The following DNAI2 variants were observed in gnomAD, a reference collection of about 807,000 sequenced individuals.
The protein encoded by DNAI2 is dynein axonemal intermediate chain 2, also known as dynein, axonemal, intermediate polypeptide 2.
DNAI2 carries 63 observed loss-of-function variants against 74.7 expected under a neutral mutation model. The observed-to-expected ratio is 0.84, with a 90% CI of 0.69 to 1.04. The LOEUF is 1.04. DNAI2 is among the 50% of genes least tolerant of loss of function. The pLI, the probability that DNAI2 is intolerant of heterozygous loss-of-function variation, is 0.00. For synonymous variants in DNAI2, 289 were observed against 314.9 expected, an observed-to-expected ratio of 0.92 and a Z score of 0.87; for missense variants, 688 against 803.2, an observed-to-expected ratio of 0.86 and a Z score of 1.73.
chr17:74,303,049 C>T (rs1000816201), intron 8 of DNAI2, among the ~76,000 whole-genome samples: 1 of 152,218 alleles, frequency 6.6e-6, no homozygotes, highest in African/African-American at 2.4e-5. Flanking sequence ...CTCCTCCATG[C>T]CTGGCCCTTG....
chr17:74,310,592 G>C (rs1238374893), intron 11 of DNAI2, among the ~76,000 whole-genome samples: 20 of 151,810 alleles, frequency 1.3e-4, no homozygotes, highest in Admixed American at 1.3e-3. Flanking sequence ...AGGCTGGAGT[G>C]CAATGGTGAG....
intron 6 of DNAI2, among the ~76,000 whole-genome samples, chr17:74,294,404 G>A (rs1462591319): frequency 6.6e-6 from 1 of 151,472 alleles, no homozygotes; most frequent in African/African-American, 2.4e-5. Context: ...CAAACTCCTG[G>A]GCTCAAGCAA....
chr17:74,285,278 G>A (rs2051647887), intron 3 of DNAI2, 77 bp downstream of exon 3: 25 of 1,553,074 alleles, frequency 1.6e-5, no homozygotes, highest in Non-Finnish European at 2.2e-5. Context: ...TGCCCCAGCT[G>A]TGCCTGGCCA....
At chr17:74,296,060 G>A (rs2052403225) in intron 6 of DNAI2, among the ~76,000 whole-genome samples, 2 of 152,130 alleles carry the variant, frequency 1.3e-5, no homozygotes, top group Admixed American at 1.3e-4. Context: ...CTCTGGGCGT[G>A]CACACAGCTC....
In DNAI2 at chr17:74,285,025, C is replaced by T. The variant is rs774597549; in HGVS notation, c.184-15C>T. 2.1e-5 allele frequency: 34 copies of T among 1,614,012 alleles called. No homozygotes were observed. Among genetic ancestry groups the T allele is most frequent in the East Asian group, 4.5e-5 (2 of 44,882 alleles). The stretch of plus-strand genomic sequence containing the variant: ...TACCAGGGTGACGTCTTCCCTCCTG[C>T]GGCTCTCTGTTTAGGCCAACTCAGA... On this transcript the variant is annotated splice_polypyrimidine_tract_variant and intron_variant, in intron 2 of 13. Coordinates refer to ENST00000311014, the MANE Select transcript of DNAI2 (RefSeq NM_023036.6).
At position 74,296,497 on chromosome 17, in the gene DNAI2, C is replaced by T. The variant is rs191643069; in HGVS notation, c.725-3221C>T. ...CTGCCTCAGCCTCCCAAAGTACAGG[C>T]GTGAGCCACTGTACTCGGCCCAGCT... On this transcript the variant is annotated intron_variant, in intron 6 of 13. Transcript: ENST00000311014. Among the ~76,000 whole-genome samples the T allele has an allele frequency of 2.2e-4, 33 of 152,172 alleles. No individual in the cohort carries two copies. The East Asian group carries it at 2.3e-3, about 11-fold the overall frequency.
intron 11 of DNAI2, among the ~76,000 whole-genome samples, chr17:74,311,731 A>G (rs1416749489): frequency 6.6e-6 from 1 of 152,214 alleles, no homozygotes; most frequent in Non-Finnish European, 1.5e-5. Context: ...CAAAGCCGCC[A>G]TATTTCATAG....
Position 74,301,094 on chromosome 17 carries a change from A to T in DNAI2, c.913A>T (p.Ile305Phe). The part of the protein sequence containing the change: ...RKMSEPTEVV[I>F]LDITKKEQLE... ...GATGAGCGAGCCCACTGAAGTTGTGATCTTGGACATCACCAAGAAGGAACA... is the reference window on the plus strand; with the variant it reads ...GATGAGCGAGCCCACTGAAGTTGTGTTCTTGGACATCACCAAGAAGGAACA... Residue 305 changes from isoleucine (I) to phenylalanine (F), a missense_variant, in exon 8 of 14, where the codon ATC (isoleucine) becomes TTC (phenylalanine). By Grantham distance (21) the Ile-to-Phe change is conservative (BLOSUM62 0). Coordinates refer to ENST00000311014, the MANE Select transcript of DNAI2 (RefSeq NM_023036.6). 6.2e-7 allele frequency: 1 copy of T among 1,614,052 alleles called. No homozygotes were observed. Among genetic ancestry groups the T allele is most frequent in the Non-Finnish European group, 8.5e-7 (1 of 1,179,988 alleles).
intron 8 of DNAI2, among the ~76,000 whole-genome samples, chr17:74,302,121 A>AGG (rs2052892216): frequency 1.4e-5 from 2 of 140,832 alleles, no homozygotes; most frequent in Non-Finnish European, 3.1e-5. Context: ...GAAGGAAGGA[A>AGG]AGAAAAAGAA....
chr17:74,282,244 C>T (rs1203260627), intron 2 of DNAI2, among the ~76,000 whole-genome samples: 1 of 152,144 alleles, frequency 6.6e-6, no homozygotes, highest in African/African-American at 2.4e-5. Flanking sequence ...TTCCCTCTCC[C>T]AAGAGCTCTT....
intron 12 of DNAI2, chr17:74,313,716 C>T (rs2053664806): frequency 8.6e-6 from 2 of 233,430 alleles, no homozygotes; most frequent in African/African-American, 2.2e-5. Context: ...TGGCCCAAAA[C>T]GCTGGTGGTC....
chr17:74,283,152 A>G (rs527396707), intron 2 of DNAI2, among the ~76,000 whole-genome samples: 1 of 152,320 alleles, frequency 6.6e-6, no homozygotes, highest in African/African-American at 2.4e-5. Context: ...GATGGGAGTG[A>G]CTTCATGAGG....
chr17:74,299,736 A>T lies in DNAI2; in HGVS notation c.743A>T (p.Lys248Met). 2.5e-6 allele frequency: 4 copies of T among 1,613,252 alleles called. No individual in the cohort carries two copies. The highest frequency in any genetic ancestry group is 3.4e-6 in the Non-Finnish European group (4 of 1,179,934). ...TCACCAGCCTGCTGGGACACCCGAA[A>T]GGGCAGCCTGGTGGCGGAGCTATCC... The part of the protein sequence containing the change: ...NGQIACWDTR[K>M]GSLVAELSTI... The change falls in exon 7 of 14, where the codon AAG (lysine) becomes ATG (methionine). Residue 248 changes from lysine (K) to methionine (M), a missense_variant. Transcript: ENST00000311014.
Position 74,300,905 on chromosome 17 carries a change from A to T in DNAI2, c.865-141A>T. The T allele has an allele frequency of 8.6e-7, 1 of 1,160,042 alleles. No homozygotes were observed. The highest frequency in any genetic ancestry group is 2.5e-5 in the East Asian group (1 of 40,260). 71.9% of individuals were successfully genotyped at this position (1,160,042 alleles called of 1,614,324 possible). ...GACAGAACAGCAATCCTCAAAGTGT[A>T]TTTGCTCCCACGAATTGCCGGGAGC... On this transcript the variant is annotated intron_variant, in intron 7 of 13. Transcript: ENST00000311014. The surrounding 1 kb of genome is among the most constrained non-coding windows in gnomAD (Gnocchi z 4.5).
intron 9 of DNAI2, among the ~76,000 whole-genome samples, chr17:74,306,604 A>G (rs2053201954): frequency 6.6e-6 from 1 of 151,978 alleles, no homozygotes. Context: ...ATATCTTGGG[A>G]GGAGTTTTTG....
chr17:74,295,163 G>T (rs1164860083), intron 6 of DNAI2, among the ~76,000 whole-genome samples: 4 of 149,640 alleles, frequency 2.7e-5, no homozygotes, highest in Non-Finnish European at 5.9e-5. Context: ...GGGAGGCTGA[G>T]GTGGGTGGAT....
intron 1 of DNAI2, 109 bp from the exon 2 acceptor site, chr17:74,281,698 C>A: frequency 9.0e-7 from 1 of 1,115,832 alleles, no homozygotes; most frequent in Non-Finnish European, 1.3e-6. Context: ...CCACCCCTTG[C>A]TTCCTGCCCC....
At position 74,309,292 on chromosome 17, in the gene DNAI2, CG is replaced by C; in HGVS notation, c.1252del (p.Val418Ter). ...ACCTCACTGATGCTGCCTGGAGCCCCGTGAGGCCGACCGTTTTCTTTACCAC... is the reference window on the plus strand; with the variant it reads ...ACCTCACTGATGCTGCCTGGAGCCCCTGAGGCCGACCGTTTTCTTTACCAC... ...AYLTDAAWSP[V>X]RPTVFFTTRM... On this transcript the variant is annotated frameshift_variant, in exon 10 of 14. Coordinates refer to ENST00000311014, the MANE Select transcript of DNAI2 (RefSeq NM_023036.6). LOFTEE classifies it high-confidence loss of function. 6.2e-7 allele frequency: 1 copy of C among 1,614,116 alleles called. No individual in the cohort carries two copies. Among genetic ancestry groups the C allele is most frequent in the Non-Finnish European group, 8.5e-7 (1 of 1,180,030 alleles).
At chr17:74,286,916 G>T in intron 3 of DNAI2, 61 bp from the exon 4 acceptor site, 3 of 1,611,978 alleles carry the variant, frequency 1.9e-6, no homozygotes, top group African/African-American at 1.3e-5. Context: ...TCCATTGCAG[G>T]CCTGGGCAAT....
Sources: gnomAD v4.1 joint callset for allele counts (sites outside exome capture counted in the v4.1 genomes callset) on GRCh38, gnomAD v4.1.1 for gene constraint, Gnocchi (gnomAD v3.1) non-coding constraint, MANE v1.5 for transcripts, NCBI Gene and HGNC (gene_info 2026-07-23, HGNC 2026-07-21) for gene names.